The following VSX1 variants were observed in gnomAD, a reference collection of about 807,000 sequenced individuals.
VSX1 encodes the protein visual system homeobox 1, also known as homeodomain protein RINX.
In VSX1, 23 loss-of-function variants were observed where a neutral mutation model predicts 23.6. The observed-to-expected ratio is 0.97, with a 90% CI of 0.70 to 1.38. The LOEUF is 1.38. Among genes scored for constraint, VSX1 ranks in the 40% most tolerant of loss-of-function variants. The pLI is 0.00. For missense variants in VSX1, 517 were observed against 495.4 expected (o/e 1.04, Z -0.41); for synonymous variants, 247 against 215.1 (o/e 1.15, Z -1.30).
rs376925497 is a variant in VSX1 at position 25,081,667 on chromosome 20, G to A, written c.424+6C>T. The A allele has an allele frequency of 1.1e-5, 16 of 1,521,740 alleles. No homozygotes were observed. Among genetic ancestry groups the A allele is most frequent in the Non-Finnish European group, 1.3e-5 (15 of 1,141,286 alleles). The allele number at this position is 1,521,740 out of a possible 1,614,324, so 94.3% of individuals were successfully genotyped here. On this transcript the variant is annotated splice_donor_region_variant and intron_variant, in intron 1 of 4. Transcript: ENST00000376709. ...GGGCAGGAGCGGAAAGCGCGGGCCT[G>A]ATTACCGGACGTGGAGACGCTGTCG...
rs1482112585 is a variant in VSX1 at position 25,081,912 on chromosome 20, G to C, written c.185C>G (p.Pro62Arg). The C allele has an allele frequency of 1.3e-6, 2 of 1,529,098 alleles. No individual in the cohort carries two copies. The highest frequency in any genetic ancestry group is 1.4e-5 in the African/African-American group (1 of 72,602). The allele number at this position is 1,529,098 out of a possible 1,614,324, so 94.7% of individuals were successfully genotyped here. ...GCCGTCAAGCCCCGGGCCCGGGCAC[G>C]GCGCGACTGCCGGACCCTCGCAGCC... The part of the protein sequence containing the change: ...GSGCEGPAVA[P>R]CPGPGLDGSS... The change falls in exon 1 of 5, where the codon CCG (proline) becomes CGG (arginine). Residue 62 changes from proline (P) to arginine (R), a missense_variant. Physicochemically the swap from Pro to Arg is moderately radical, Grantham distance 103. Transcript: ENST00000376709.
In VSX1 at chr20:25,081,889, C is replaced by G. The variant is rs754561681; in HGVS notation, c.208G>C (p.Gly70Arg). The G allele has an allele frequency of 1.2e-5, 18 of 1,527,886 alleles. 1 individual carries two copies. The highest frequency in any genetic ancestry group is 2.3e-4 in the Middle Eastern group (1 of 4,344). 94.6% of individuals were successfully genotyped at this position (1,527,886 alleles called of 1,614,324 possible). The change falls in exon 1 of 5, where the codon GGC becomes CGC. Residue 70 changes from glycine (G) to arginine (R), a missense_variant. By Grantham distance (125) the Gly-to-Arg change is moderately radical (BLOSUM62 -2). Coordinates refer to ENST00000376709, the MANE Select transcript of VSX1 (RefSeq NM_014588.6). ...AGGGCCCCACGCGCCAGGCTGGAGC[C>G]GTCAAGCCCCGGGCCCGGGCACGGC... ...VAPCPGPGLD[G>R]SSLARGALPL...
rs199870772 is a variant in VSX1 at position 25,078,783 on chromosome 20, C to T, written c.627+46G>A. ...TGGCTCACTGAATGTGGGAATGACA[C>T]GTTCTCTGTGGTATCTTTGGAGCGG... On this transcript the variant is annotated intron_variant, in intron 3 of 4. Transcript: ENST00000376709. 6.6e-5 allele frequency: 106 copies of T among 1,614,078 alleles called. No individual in the cohort carries two copies. The African/African-American group carries it at 9.9e-4, about 15-fold the overall frequency.
intron 4 of VSX1, among the ~76,000 whole-genome samples, chr20:25,077,071 G>A (rs1239808396): frequency 6.6e-6 from 1 of 152,174 alleles, no homozygotes; most frequent in Non-Finnish European, 1.5e-5. Flanking sequence ...CGTGCCCGGA[G>A]GTACTCATCT....
At chr20:25,077,507 C>A (rs2089525760) in intron 4 of VSX1, among the ~76,000 whole-genome samples, 178 bp downstream of exon 4, 2 of 152,336 alleles carry the variant, frequency 1.3e-5, no homozygotes, top group South Asian at 2.1e-4. Flanking sequence ...AATGAGGCAA[C>A]CATCCAGTTG....
At chr20:25,072,712 A>G (rs1022635522), downstream of VSX1, 10 of 470,226 alleles carry the variant, frequency 2.1e-5, no homozygotes, top group African/African-American at 2.0e-4. Flanking sequence ...GTGTTTTCAT[A>G]TATTGTTTTT....
Position 25,076,512 on chromosome 20 carries a change from C to G in VSX1, c.847G>C (p.Gly283Arg), listed in dbSNP as rs750114498. 1 of 1,613,528 alleles carries G rather than the reference C, an allele frequency of 6.2e-7. No homozygotes were observed. The highest frequency in any genetic ancestry group is 1.3e-5 in the African/African-American group (1 of 74,960). The change falls in exon 5 of 5, where the codon GGA becomes CGA. Residue 283 changes from glycine to arginine, a missense_variant. By Grantham distance (125) the Gly-to-Arg change is moderately radical. Coordinates refer to ENST00000376709, the MANE Select transcript of VSX1 (RefSeq NM_014588.6). ...AGTCCTGCCAACTTATCTTCACTTC[C>G]TGGCTTCCTTATCATCCCCATGGAT... The part of the protein sequence containing the change: ...KKSMGMIRKP[G>R]SEDKLAGLWG...
chr20:25,081,850 C>T lies in VSX1; in HGVS notation c.247G>A (p.Gly83Ser), dbSNP rs1459187075. 1 of 1,521,306 alleles carries T rather than the reference C, an allele frequency of 6.6e-7. No homozygotes were observed. The highest frequency in any genetic ancestry group is 8.8e-7 in the Non-Finnish European group (1 of 1,141,958). 94.2% of individuals were successfully genotyped at this position (1,521,306 alleles called of 1,614,324 possible). ...TGCGTGCCGAAGCCACAGAGGAGGC[C>T]GAGTCCCAGCGGTAGGGCCCCACGC... ...LARGALPLGLGLLCGFGTQPP... is the reference protein window; with the variant it reads ...LARGALPLGLSLLCGFGTQPP... The change falls in exon 1 of 5, where the codon GGC (glycine) becomes AGC (serine). Residue 83 changes from glycine to serine, a missense_variant. Gly to Ser is a moderately conservative substitution (Grantham distance 56). Transcript: ENST00000376709.
chr20:25,072,345 T>C (rs1023290648), downstream of VSX1, among the ~76,000 whole-genome samples: 2 of 152,226 alleles, frequency 1.3e-5, no homozygotes, highest in Non-Finnish European at 2.9e-5. Flanking sequence ...TATGGACAGT[T>C]GTCCCAGTAA....
chr20:25,081,807 C>G lies in VSX1; in HGVS notation c.290G>C (p.Arg97Pro), dbSNP rs2089651963. 3 of 1,502,804 alleles carry G rather than the reference C, an allele frequency of 2.0e-6. No homozygotes were observed. Among genetic ancestry groups the G allele is most frequent in the South Asian group, 1.2e-5 (1 of 80,488 alleles). 93.1% of individuals were successfully genotyped at this position (1,502,804 alleles called of 1,614,324 possible). A position where few individuals can be genotyped will look rare whatever the true frequency, so the allele number is the denominator to read the frequency against. ...GFGTQPPAAA[R>P]APCLLLADVP... ...GTCCGCTAGGAGCAGGCAGGGTGCTCGAGCGGCCGCCGGCGGCTGCGTGCC... is the reference window on the plus strand; with the variant it reads ...GTCCGCTAGGAGCAGGCAGGGTGCTGGAGCGGCCGCCGGCGGCTGCGTGCC... The change falls in exon 1 of 5, where the codon CGA becomes CCA. Residue 97 changes from arginine (R) to proline (P), a missense_variant. Transcript: ENST00000376709.
Position 25,076,241 on chromosome 20 carries a change from G to A in VSX1, c.*20C>T. The A allele has an allele frequency of 6.2e-7, 1 of 1,613,730 alleles. No homozygotes were observed. Among genetic ancestry groups the A allele is most frequent in the Non-Finnish European group, 8.5e-7 (1 of 1,180,036 alleles). Reference sequence around the variant, plus strand: ...AGGAATATGCACATTTTCAGCCTTTGACAGTGGGACCTGTGGGTCTCATGT... The same window carrying A: ...AGGAATATGCACATTTTCAGCCTTTAACAGTGGGACCTGTGGGTCTCATGT... On this transcript the variant is annotated 3_prime_UTR_variant, in exon 5 of 5. Transcript: ENST00000376709.
intron 4 of VSX1, 73 bp downstream of exon 4, chr20:25,077,612 G>C (rs2089528249): frequency 6.6e-7 from 1 of 1,520,332 alleles, no homozygotes; most frequent in Non-Finnish European, 8.8e-7. Context: ...TGGCTGCCTC[G>C]GTGGGGACAC....
downstream of VSX1, among the ~76,000 whole-genome samples, chr20:25,074,400 G>A (rs563685597): frequency 3.3e-5 from 5 of 152,260 alleles, no homozygotes; most frequent in African/African-American, 9.6e-5. Context: ...AGTTCCTTAT[G>A]TTAAGAAAGC....
chr20:25,079,621 A>C, intron 1 of VSX1, 107 bp from the exon 2 acceptor site: 1 of 1,210,876 alleles, frequency 8.3e-7, no homozygotes, highest in Non-Finnish European at 1.2e-6. Flanking sequence ...GTACTTAAGT[A>C]GTTTACAGTA....
chr20:25,075,110 C>T (rs779012146), downstream of VSX1, among the ~76,000 whole-genome samples: 1 of 152,200 alleles, frequency 6.6e-6, no homozygotes, highest in African/African-American at 2.4e-5. Flanking sequence ...TGTTTTCTCA[C>T]CTGCAGAGAT....
At position 25,076,155 on chromosome 20, in the gene VSX1, A is replaced by G; in HGVS notation, c.*106T>C. ...TTGCATTTTATCTTGACATTGTCAG[A>G]AGAAAATCAAACTGAGAGTATATGT... On this transcript the variant is annotated 3_prime_UTR_variant, in exon 5 of 5. Transcript: ENST00000376709. 1 of 1,508,390 alleles carries G rather than the reference A, an allele frequency of 6.6e-7. No individual in the cohort carries two copies. Among genetic ancestry groups the G allele is most frequent in the Non-Finnish European group, 9.2e-7 (1 of 1,090,588 alleles). 93.4% of individuals were successfully genotyped at this position (1,508,390 alleles called of 1,614,324 possible).
In VSX1 at chr20:25,082,138, T is replaced by C. The variant is rs1011545553; in HGVS notation, c.-42A>G. ...AGGCGCGAGCCTCTCTGGATCCCGT[T>C]TGCGGAGGGCCCAGCTTAGAGGAAG... On this transcript the variant is annotated 5_prime_UTR_variant, in exon 1 of 5. Coordinates refer to ENST00000376709, the MANE Select transcript of VSX1 (RefSeq NM_014588.6). 6.1e-5 allele frequency: 94 copies of C among 1,535,624 alleles called. No homozygotes were observed. In the African/African-American group the frequency reaches 1.2e-3, roughly 19 times the overall value.
In VSX1 at chr20:25,079,498, A is replaced by G. The variant is rs2089594204; in HGVS notation, c.441T>C (p.Ser147=). 6.2e-7 allele frequency: 1 copy of G among 1,612,342 alleles called. No individual in the cohort carries two copies. Among genetic ancestry groups the G allele is most frequent in the Non-Finnish European group, 8.5e-7 (1 of 1,179,376 alleles). Reference sequence around the variant, plus strand: ...ATGCCTTTAGGTCATTCCTGTCTTCAGACTGGCTGTCCTCATCTGATGGCA... The same window carrying G: ...ATGCCTTTAGGTCATTCCTGTCTTCGGACTGGCTGTCCTCATCTGATGGCA... ...SVSTSDEDSQ[S]EDRNDLKASP... is the part of the protein sequence containing the mutation. Residue 147 remains serine, a synonymous_variant, in exon 2 of 5, where the codon TCT becomes TCC. Transcript: ENST00000376709.
Position 25,076,197 on chromosome 20 carries a change from CT to C in VSX1, c.*63del. On this transcript the variant is annotated 3_prime_UTR_variant, in exon 5 of 5. Coordinates refer to ENST00000376709, the MANE Select transcript of VSX1 (RefSeq NM_014588.6). ...AGTATATGTCTTGGACAATTTTTGT[CT>C]TTTGGAAAATGCCAGTGAGGAATAT... 1.2e-6 allele frequency: 2 copies of C among 1,609,442 alleles called. No homozygotes were observed. Among genetic ancestry groups the C allele is most frequent in the Non-Finnish European group, 8.5e-7 (1 of 1,178,058 alleles).
Sources: gnomAD v4.1 joint callset for allele counts (sites outside exome capture counted in the v4.1 genomes callset) on GRCh38, gnomAD v4.1.1 for gene constraint, MANE v1.5 for transcripts, NCBI Gene and HGNC (gene_info 2026-07-23, HGNC 2026-07-21) for gene names.